Variants in EPB41L4B observed in about 807,000 individuals in gnomAD.
The protein encoded by EPB41L4B is erythrocyte membrane protein band 4.1 like 4B, also known as band 4.1-like protein 4B.
In EPB41L4B, 30 loss-of-function variants were observed where a neutral mutation model predicts 112.5. The ratio of observed to expected loss-of-function variants is 0.27; its 90% CI spans 0.20 to 0.36. EPB41L4B has a LOEUF of 0.36. Among genes scored for constraint, EPB41L4B ranks in the 10% least tolerant of loss-of-function variants. The probability of loss-of-function intolerance (pLI) is 1.00; values close to 1 mark genes in which losing one functional copy is unlikely to be tolerated. For missense variants in EPB41L4B, 1,024 were observed against 1,133.3 expected, an observed-to-expected ratio of 0.90 and a Z score of 1.38; for synonymous variants, 408 against 439.7, an observed-to-expected ratio of 0.93 and a Z score of 0.90.
rs529126952 is a variant in EPB41L4B at position 109,182,641 on chromosome 9, T to C, written c.2487+88A>G. On this transcript the variant is annotated intron_variant, in intron 24 of 25. Coordinates refer to ENST00000374566, the MANE Select transcript of EPB41L4B (RefSeq NM_019114.5). ...GTTCAACGGTGATCAAAAGAAGCGG[T>C]TGACCTTGCTGTCTGGCATCCCGCA... 3.7e-4 allele frequency: 350 copies of C among 955,402 alleles called. 3 individuals are homozygous for C. Among genetic ancestry groups the C allele is most frequent in the Non-Finnish European group, 1.1e-4 (63 of 595,266 alleles). 59.2% of individuals were successfully genotyped at this position (955,402 alleles called of 1,614,324 possible).
At chr9:109,224,145 G>A (rs376352191) in intron 15 of EPB41L4B, among the ~76,000 whole-genome samples, 4 of 152,208 alleles carry the variant, frequency 2.6e-5, no homozygotes, top group Non-Finnish European at 5.9e-5. Context: ...GTTCCTCAAA[G>A]AGTTGAACAT....
At chr9:109,244,434 CTTTTTTTTTTTTTTTTTTT>C (rs573807379) in intron 14 of EPB41L4B, among the ~76,000 whole-genome samples, 6 of 48,514 alleles carry the variant, frequency 1.2e-4, no homozygotes, top group Admixed American at 3.4e-4. Flanking sequence ...TGAAGGTTGT[CTTTTTTTTTTTTTTTTTTT>C]TTTTTTTTTT....
At chr9:109,274,557 C>T (rs1053665646) in intron 2 of EPB41L4B, among the ~76,000 whole-genome samples, 5 of 152,220 alleles carry the variant, frequency 3.3e-5, no homozygotes, top group African/African-American at 1.2e-4. Flanking sequence ...GGGACAACAT[C>T]CAGCTCATCT....
intron 19 of EPB41L4B, among the ~76,000 whole-genome samples, chr9:109,201,179 A>G (rs1175956915): frequency 1.3e-5 from 2 of 152,108 alleles, no homozygotes; most frequent in Non-Finnish European, 1.5e-5. Context: ...GGCCGGGTGC[A>G]GTGGCTCACG....
At chr9:109,200,400 G>A in intron 19 of EPB41L4B, 66 bp from the exon 20 acceptor site, 2 of 1,270,930 alleles carry the variant, frequency 1.6e-6, no homozygotes, top group Non-Finnish European at 2.3e-6. Flanking sequence ...TTTAGCCATA[G>A]GGACTGCTTT....
intron 1 of EPB41L4B, among the ~76,000 whole-genome samples, chr9:109,283,876 C>T (rs1836166175): frequency 6.6e-6 from 1 of 150,862 alleles, no homozygotes. Flanking sequence ...TGCTTGAGGC[C>T]AGGAGTTCGA....
intron 2 of EPB41L4B, among the ~76,000 whole-genome samples, chr9:109,270,067 G>A (rs1206191720): frequency 6.6e-6 from 1 of 152,196 alleles, no homozygotes; most frequent in African/African-American, 2.4e-5. Flanking sequence ...AGACGCACAT[G>A]TGCAGGATGC....
At chr9:109,175,468 A>AACACACACACACACACACAC (rs59210551) in intron 25 of EPB41L4B, among the ~76,000 whole-genome samples, 4 of 129,406 alleles carry the variant, frequency 3.1e-5, no homozygotes, top group East Asian at 4.6e-4. Context: ...CCACTGTTTA[A>AACACACACACACACACACAC]ACACACACAC....
intron 1 of EPB41L4B, among the ~76,000 whole-genome samples, chr9:109,303,556 T>C (rs904545323): frequency 6.6e-6 from 1 of 152,120 alleles, no homozygotes; most frequent in Non-Finnish European, 1.5e-5. Flanking sequence ...TTTCACCAAG[T>C]TTCCCAGGCT....
chr9:109,210,424 C>A (rs569687166), intron 17 of EPB41L4B, among the ~76,000 whole-genome samples: 4 of 152,060 alleles, frequency 2.6e-5, no homozygotes, highest in African/African-American at 9.7e-5. Context: ...GGTTATAAAG[C>A]CCATTTGAGG....
chr9:109,294,672 CTGTGTGTGTGTGTGTGTGTG>C (rs56261244), intron 1 of EPB41L4B, among the ~76,000 whole-genome samples: 1 of 147,842 alleles, frequency 6.8e-6, no homozygotes, highest in African/African-American at 2.5e-5. Context: ...GATATTGTGG[CTGTGTGTGTGTGTGTGTGTG>C]TGTGTGTGTG....
chr9:109,286,492 G>A (rs749364340), intron 1 of EPB41L4B, among the ~76,000 whole-genome samples: 5 of 152,290 alleles, frequency 3.3e-5, no homozygotes, highest in African/African-American at 4.8e-5. Flanking sequence ...ATTATGCGAC[G>A]CGTTGTCTAG....
chr9:109,296,306 G>A (rs1479532835), intron 1 of EPB41L4B, among the ~76,000 whole-genome samples: 10 of 152,160 alleles, frequency 6.6e-5, no homozygotes, highest in Admixed American at 6.5e-4. Flanking sequence ...CATAAGCCAT[G>A]AAGCTTCCAT....
intron 18 of EPB41L4B, among the ~76,000 whole-genome samples, chr9:109,206,107 A>G (rs932674272): frequency 1.3e-5 from 2 of 152,254 alleles, no homozygotes; most frequent in Admixed American, 6.5e-5. Context: ...CAACATAAGC[A>G]TATACATTAG....
intron 25 of EPB41L4B, among the ~76,000 whole-genome samples, chr9:109,175,988 G>A (rs10119430): frequency 0.81 from 121,892 of 151,100 alleles, 49,338 homozygotes; most frequent in African/African-American, 0.85. Context: ...GCCATCCCAG[G>A]ATACCTTATT....
At chr9:109,230,567 T>C (rs1833920123) in intron 15 of EPB41L4B, among the ~76,000 whole-genome samples, 1 of 152,242 alleles carries the variant, frequency 6.6e-6, no homozygotes, top group Admixed American at 6.5e-5. Flanking sequence ...CCCAGATAGC[T>C]GTCGCTTATT....
At chr9:109,253,772 C>A (rs1765450604) in intron 11 of EPB41L4B, among the ~76,000 whole-genome samples, 1 of 152,160 alleles carries the variant, frequency 6.6e-6, no homozygotes. Flanking sequence ...CACCAAAGGG[C>A]AAAACCTGCA....
At position 109,243,964 on chromosome 9, in the gene EPB41L4B, A is replaced by AG. The variant is rs141112526; in HGVS notation, c.1345-283dup. Among the ~76,000 whole-genome samples, 807 of 152,298 alleles carry AG rather than the reference A, an allele frequency of 5.3e-3. 4 individuals are homozygous for AG. The highest frequency in any genetic ancestry group is 0.019 in the African/African-American group (787 of 41,564). Reference sequence around the variant, plus strand: ...TAGAAGGTGACAACACCGGCCTTGAAGGGGGTCGTCCGGAGTACCAGAGAC... The same window carrying AG: ...TAGAAGGTGACAACACCGGCCTTGAAGGGGGGTCGTCCGGAGTACCAGAGAC... On this transcript the variant is annotated intron_variant, in intron 14 of 25. Coordinates refer to ENST00000374566, the MANE Select transcript of EPB41L4B (RefSeq NM_019114.5).
intron 15 of EPB41L4B, among the ~76,000 whole-genome samples, chr9:109,225,958 T>C (rs1244369026): frequency 2.0e-5 from 3 of 152,204 alleles, no homozygotes; most frequent in Admixed American, 1.3e-4. Context: ...AATTCGATTA[T>C]GAACTCATCA....
Sources: allele counts gnomAD v4.1 joint callset (sites outside exome capture counted in the v4.1 genomes callset), GRCh38; gene constraint gnomAD v4.1.1; transcripts MANE v1.5; gene names NCBI Gene and HGNC (gene_info 2026-07-23, HGNC 2026-07-21).